Variants in PPIL6 observed in about 807,000 individuals in gnomAD.
The protein encoded by PPIL6 is peptidylprolyl isomerase like 6.
PPIL6 carries 39 observed loss-of-function variants against 36.8 expected under a neutral mutation model. The observed-to-expected ratio is 1.06, with a 90% CI of 0.82 to 1.38. The LOEUF is 1.38. Among genes scored for constraint, PPIL6 ranks in the 40% most tolerant of loss-of-function variants. The pLI is 0.00. For synonymous variants in PPIL6, 123 were observed against 134.1 expected (o/e 0.92, Z 0.57); for missense variants, 368 against 379.1 (o/e 0.97, Z 0.24).
intron 5 of PPIL6, among the ~76,000 whole-genome samples, chr6:109,426,479 T>C (rs1773820163): frequency 6.6e-6 from 1 of 152,236 alleles, no homozygotes; most frequent in South Asian, 2.1e-4. Flanking sequence ...CCATTTACTA[T>C]ATTTTCAAAT....
chr6:109,440,516 C>T lies in PPIL6; in HGVS notation c.75G>A (p.Gln25=). The change falls in exon 1 of 8, where the codon CAG becomes CAA. Residue 25 remains glutamine, a synonymous_variant. Transcript: ENST00000521072. Reference sequence around the variant, plus strand: ...AGCTGAAGAGCCCCACCACCTTCACCTGCAGCGGCCGCTCCGGCAGCGACG... The same window carrying T: ...AGCTGAAGAGCCCCACCACCTTCACTTGCAGCGGCCGCTCCGGCAGCGACG... ...GSPSLPERPL[Q]VKVVGLFSCP... is the part of the protein sequence containing the mutation. The T allele has an allele frequency of 6.6e-7, 1 of 1,514,886 alleles. No homozygotes were observed. The highest frequency in any genetic ancestry group is 8.8e-7 in the Non-Finnish European group (1 of 1,132,392). The allele number at this position is 1,514,886 out of a possible 1,614,324, so 93.8% of individuals were successfully genotyped here. A position where few individuals can be genotyped will look rare whatever the true frequency, so the allele number is the denominator to read the frequency against.
At chr6:109,402,976 C>A in intron 6 of PPIL6, 1 of 1,106,868 alleles carries the variant, frequency 9.0e-7, no homozygotes, top group South Asian at 1.5e-5. Context: ...GGGTAATTTA[C>A]GTGTTATTTT....
chr6:109,421,025 G>C (rs1036814953), intron 5 of PPIL6, among the ~76,000 whole-genome samples: 5 of 151,968 alleles, frequency 3.3e-5, no homozygotes, highest in African/African-American at 1.2e-4. Flanking sequence ...GAAGCTGAGG[G>C]CCCCCCCACC....
intron 6 of PPIL6, among the ~76,000 whole-genome samples, chr6:109,414,295 T>C (rs12197114): frequency 0.31 from 47,090 of 151,914 alleles, 7,447 homozygotes; most frequent in Middle Eastern, 0.41. Flanking sequence ...GTACTTCTTT[T>C]AGGACATATG....
intron 6 of PPIL6, among the ~76,000 whole-genome samples, chr6:109,411,787 G>T (rs1773023265): frequency 6.6e-6 from 1 of 152,190 alleles, no homozygotes; most frequent in Admixed American, 6.5e-5. Flanking sequence ...CCTGCCTGTG[G>T]GCCCGTTACA....
intron 2 of PPIL6, among the ~76,000 whole-genome samples, chr6:109,434,208 C>G (rs1488351881): frequency 6.6e-6 from 1 of 152,190 alleles, no homozygotes; most frequent in Non-Finnish European, 1.5e-5. Flanking sequence ...GGAAACCCCT[C>G]AGTCCCAGGC....
intron 1 of PPIL6, among the ~76,000 whole-genome samples, chr6:109,439,146 G>C (rs955328186): frequency 6.6e-6 from 1 of 151,882 alleles, no homozygotes; most frequent in African/African-American, 2.4e-5. Context: ...AGTCGGCACA[G>C]AAAATATGTG....
chr6:109,408,837 C>T (rs909927364), intron 6 of PPIL6, among the ~76,000 whole-genome samples: 13 of 152,154 alleles, frequency 8.5e-5, no homozygotes, highest in Admixed American at 7.9e-4. Context: ...AAAATTTCCT[C>T]CTCCTGAGGG....
At chr6:109,431,106 A>G (rs773795146) in intron 3 of PPIL6, 51 bp downstream of exon 3, 1 of 1,303,238 alleles carries the variant, frequency 7.7e-7, no homozygotes, top group Non-Finnish European at 1.1e-6. Context: ...CTGAATCAAT[A>G]TAAAGGGTCA....
chr6:109,440,203 A>T (rs921629994), intron 1 of PPIL6: 2 of 575,646 alleles, frequency 3.5e-6, no homozygotes, highest in Admixed American at 4.4e-5. Context: ...CGCGGTTCTG[A>T]ACCCTTCCTT....
chr6:109,437,164 G>A (rs1172025122), intron 1 of PPIL6, among the ~76,000 whole-genome samples: 2 of 152,152 alleles, frequency 1.3e-5, no homozygotes, highest in African/African-American at 2.4e-5. Flanking sequence ...CTTGATATTC[G>A]TTATACTTTG....
Position 109,431,210 on chromosome 6 carries a change from G to A in PPIL6, c.367C>T (p.Leu123Phe). 4 of 1,613,814 alleles carry A rather than the reference G, an allele frequency of 2.5e-6. No homozygotes were observed. The highest frequency in any genetic ancestry group is 3.4e-6 in the Non-Finnish European group (4 of 1,179,904). Residue 123 changes from leucine to phenylalanine, a missense_variant, in exon 3 of 8, where the codon CTT (leucine) becomes TTT (phenylalanine). Physicochemically the swap from Leu to Phe is conservative, Grantham distance 22 (BLOSUM62 0). Transcript: ENST00000521072. Reference protein sequence around the residue: ...WDIVDIKPSALYDALTEDFSA... With the variant: ...WDIVDIKPSAFYDALTEDFSA... ...AAATCCTCAGTGAGTGCGTCATAAAGTGCAGAGGGTTTAATGTCAACTATA... is the reference window on the plus strand; with the variant it reads ...AAATCCTCAGTGAGTGCGTCATAAAATGCAGAGGGTTTAATGTCAACTATA...
At chr6:109,430,915 C>A (rs1310476620) in intron 3 of PPIL6, among the ~76,000 whole-genome samples, 2 of 152,182 alleles carry the variant, frequency 1.3e-5, no homozygotes, top group African/African-American at 4.8e-5. Flanking sequence ...ATATAAATCT[C>A]TAATGGGAAG....
intron 3 of PPIL6, among the ~76,000 whole-genome samples, chr6:109,428,857 G>A (rs1380431453): frequency 1.3e-5 from 2 of 152,012 alleles, no homozygotes; most frequent in Non-Finnish European, 2.9e-5. Context: ...AGGCTCAGGA[G>A]GATAAAGAGG....
At chr6:109,440,256 C>T (rs1037254237) in intron 1 of PPIL6, 200 bp downstream of exon 1, 1 of 702,840 alleles carries the variant, frequency 1.4e-6, no homozygotes, top group East Asian at 3.0e-5. Flanking sequence ...GAACGCCCGC[C>T]CCCGGACCCG....
intron 6 of PPIL6, among the ~76,000 whole-genome samples, chr6:109,409,514 A>G (rs1477488557): frequency 6.6e-6 from 1 of 152,038 alleles, no homozygotes; most frequent in Non-Finnish European, 1.5e-5. Context: ...CAGTGAGCTG[A>G]GATCACGCCA....
chr6:109,400,591 C>G (rs960647606), intron 6 of PPIL6, among the ~76,000 whole-genome samples: 1 of 152,254 alleles, frequency 6.6e-6, no homozygotes, highest in Admixed American at 6.5e-5. Context: ...CCCGAACCCC[C>G]CAAGCATCTT....
rs201336023 is a variant in PPIL6, at chr6:109,429,140, C to CA, written c.421-1985dup. Among the ~76,000 whole-genome samples, 909 of 152,000 alleles carry CA rather than the reference C, an allele frequency of 6.0e-3. 6 individuals are homozygous for CA. Among genetic ancestry groups the CA allele is most frequent in the African/African-American group, 0.021 (863 of 41,476 alleles). On this transcript the variant is annotated intron_variant, in intron 3 of 7. Transcript: ENST00000521072. ...CAGGAAGAAAAGTCCACCCTCTGTGCAAAAAAAATCTATTGTCTCTGGAAC... is the reference window on the plus strand; with the variant it reads ...CAGGAAGAAAAGTCCACCCTCTGTGCAAAAAAAAATCTATTGTCTCTGGAAC...
At chr6:109,393,223 T>A (rs1315488175) in intron 7 of PPIL6, among the ~76,000 whole-genome samples, 1 of 148,608 alleles carries the variant, frequency 6.7e-6, no homozygotes, top group Non-Finnish European at 1.5e-5. Context: ...TCAGGGTGAT[T>A]TTTTTTTTTT....
Sources: allele counts gnomAD v4.1 joint callset (sites outside exome capture counted in the v4.1 genomes callset), GRCh38; gene constraint gnomAD v4.1.1; transcripts MANE v1.5; gene names NCBI Gene and HGNC (gene_info 2026-07-23, HGNC 2026-07-21).